TMEM132B: variants seen among roughly 807,000 people sequenced by gnomAD.
TMEM132B encodes the protein transmembrane protein 132B.
In TMEM132B, 18 loss-of-function variants were observed where a neutral mutation model predicts 90.8. The observed-to-expected ratio is 0.20, with a 90% CI of 0.14 to 0.29. TMEM132B has a LOEUF of 0.29. Among genes scored for constraint, TMEM132B ranks in the 10% least tolerant of loss-of-function variants. The pLI is 1.00. For synonymous variants in TMEM132B, 504 were observed against 523.3 expected, an observed-to-expected ratio of 0.96 and a Z score of 0.50; for missense variants, 1,096 against 1,326.8, an observed-to-expected ratio of 0.83 and a Z score of 2.70.
At chr12:125,510,292 C>G (rs1319321471) in intron 3 of TMEM132B, among the ~76,000 whole-genome samples, 1 of 152,080 alleles carries the variant, frequency 6.6e-6, no homozygotes, top group Non-Finnish European at 1.5e-5. Context: ...GTTTTCAGCT[C>G]TGAGAAAATG....
intron 2 of TMEM132B, among the ~76,000 whole-genome samples, chr12:125,384,897 C>A (rs1317683666): frequency 6.6e-6 from 1 of 152,216 alleles, no homozygotes; most frequent in Non-Finnish European, 1.5e-5. Context: ...GGTGATCCAC[C>A]TGCCTTGGCC....
rs1034520752 is a variant in TMEM132B at position 125,209,069 on chromosome 12, A to G, written c.67+22203A>G. Reference sequence around the variant, plus strand: ...ACAGGAGGCAGATTATGTTTGGGAAATCAGAAGGGAGCTCCCGCATGGAGG... The same window carrying G: ...ACAGGAGGCAGATTATGTTTGGGAAGTCAGAAGGGAGCTCCCGCATGGAGG... On this transcript the variant is annotated intron_variant, in intron 1 of 8. Coordinates refer to ENST00000682704, the MANE Select transcript of TMEM132B (RefSeq NM_001366854.1). This position sits in a 1 kb window ranked among gnomAD's most constrained non-coding sequence, Gnocchi z 4.4. 2.0e-5 allele frequency among the ~76,000 whole-genome samples: 3 copies of G among 152,168 alleles called. No homozygotes were observed. In the South Asian group the frequency reaches 6.2e-4, roughly 31 times the overall value.
intron 1 of TMEM132B, among the ~76,000 whole-genome samples, chr12:125,219,397 G>T (rs1170628612): frequency 6.6e-6 from 1 of 152,184 alleles, no homozygotes; most frequent in African/African-American, 2.4e-5. Flanking sequence ...TCAGAAGGTT[G>T]CTTAACGATG....
intron 2 of TMEM132B, among the ~76,000 whole-genome samples, chr12:125,366,406 G>A (rs1159323948): frequency 6.6e-6 from 1 of 152,100 alleles, no homozygotes; most frequent in African/African-American, 2.4e-5. Context: ...CTCTTTCTCA[G>A]CATCCTCACC....
intron 2 of TMEM132B, among the ~76,000 whole-genome samples, chr12:125,391,690 A>G (rs1292227527): frequency 1.3e-5 from 2 of 152,316 alleles, no homozygotes; most frequent in Admixed American, 6.5e-5. Flanking sequence ...GAACCCCACA[A>G]GTATATCTCC....
chr12:125,256,572 A>G (rs1199296930), intron 1 of TMEM132B, among the ~76,000 whole-genome samples: 1 of 152,246 alleles, frequency 6.6e-6, no homozygotes, highest in East Asian at 1.9e-4. Flanking sequence ...AGAGATGAAT[A>G]GACGTGACCT....
intron 3 of TMEM132B, among the ~76,000 whole-genome samples, chr12:125,502,856 G>A (rs890375402): frequency 1.3e-5 from 2 of 152,214 alleles, no homozygotes; most frequent in Non-Finnish European, 2.9e-5. Flanking sequence ...GTATAAGTTT[G>A]TGAAACTCTG....
At chr12:125,381,514 G>C (rs1484669640) in intron 2 of TMEM132B, among the ~76,000 whole-genome samples, 3 of 152,216 alleles carry the variant, frequency 2.0e-5, no homozygotes, top group Non-Finnish European at 4.4e-5. Flanking sequence ...ATTGGTTGAA[G>C]GTTGATCTGG....
chr12:125,570,083 C>T (rs1299772334), intron 4 of TMEM132B, among the ~76,000 whole-genome samples: 4 of 152,034 alleles, frequency 2.6e-5, no homozygotes, highest in South Asian at 2.1e-4. Flanking sequence ...TACCTGCATT[C>T]GGCTACGTTT....
At chr12:125,519,122 G>A (rs1234996287) in intron 3 of TMEM132B, among the ~76,000 whole-genome samples, 3 of 152,210 alleles carry the variant, frequency 2.0e-5, no homozygotes, top group Non-Finnish European at 1.5e-5. Flanking sequence ...ACTGTGGCAT[G>A]CCCGTGCCTG....
At chr12:125,399,477 G>GTGTA (rs1879252681) in intron 2 of TMEM132B, among the ~76,000 whole-genome samples, 1 of 47,898 alleles carries the variant, frequency 2.1e-5, no homozygotes, top group African/African-American at 7.9e-5. Flanking sequence ...GTGTGTGTGT[G>GTGTA]TGTGTATGTG....
intron 4 of TMEM132B, among the ~76,000 whole-genome samples, chr12:125,566,557 G>T (rs940275649): frequency 1.3e-5 from 2 of 152,172 alleles, no homozygotes; most frequent in Non-Finnish European, 2.9e-5. Context: ...GGGGTTGAGA[G>T]TTCCCTGTGG....
intron 1 of TMEM132B, among the ~76,000 whole-genome samples, chr12:125,191,054 G>A (rs12815578): frequency 0.05 from 2,429 of 48,572 alleles, 302 homozygotes; most frequent in East Asian, 0.11. Context: ...GGTGGTGGTG[G>A]TGGGGAAGGG....
At position 125,390,852 on chromosome 12, in the gene TMEM132B, A is replaced by C. The variant is rs561885350; in HGVS notation, c.960-24679A>C. On this transcript the variant is annotated intron_variant, in intron 2 of 8. Coordinates refer to ENST00000682704, the MANE Select transcript of TMEM132B (RefSeq NM_001366854.1). The stretch of plus-strand genomic sequence containing the variant: ...ACCACCTGAGTCAGAGCCATCCAGC[A>C]AAAATGCTCTTGAATTCTTGAAACT... Among the ~76,000 whole-genome samples, 10 of 152,346 alleles carry C rather than the reference A, an allele frequency of 6.6e-5. No individual in the cohort carries two copies. In the East Asian group the frequency reaches 1.9e-3, roughly 29 times the overall value.
At chr12:125,322,711 A>G (rs1380171478) in intron 1 of TMEM132B, among the ~76,000 whole-genome samples, 1 of 152,218 alleles carries the variant, frequency 6.6e-6, no homozygotes, top group Non-Finnish European at 1.5e-5. Context: ...TAATACATTC[A>G]TATGGTTCAA....
intron 4 of TMEM132B, among the ~76,000 whole-genome samples, chr12:125,556,944 C>T (rs1884404532): frequency 6.6e-6 from 1 of 151,972 alleles, no homozygotes; most frequent in East Asian, 1.9e-4. Flanking sequence ...TTAGTAGAGA[C>T]AGAGTTTCAC....
In TMEM132B at chr12:125,455,034, C is replaced by T. The variant is rs551997331; in HGVS notation, c.1106+39357C>T. On this transcript the variant is annotated intron_variant, in intron 3 of 8. Transcript: ENST00000682704. The stretch of plus-strand genomic sequence containing the variant: ...GCTCTATGTCTTAAAAGAAGAAATA[C>T]GCAGTTTGAGTTTACTAGAGTGCAA... 4.5e-4 allele frequency among the ~76,000 whole-genome samples: 68 copies of T among 152,276 alleles called. 1 individual carries two copies. The highest frequency in any genetic ancestry group is 1.5e-3 in the African/African-American group (63 of 41,562).
At chr12:125,647,522 C>T (rs138935789) in intron 6 of TMEM132B, among the ~76,000 whole-genome samples, 14 of 152,256 alleles carry the variant, frequency 9.2e-5, no homozygotes, top group African/African-American at 3.4e-4. Context: ...CCACGGAGGC[C>T]AGAAGGATTT....
In TMEM132B at chr12:125,481,673, C is replaced by T. The variant is rs1181587576; in HGVS notation, c.1107-37766C>T. On this transcript the variant is annotated intron_variant, in intron 3 of 8. Transcript: ENST00000682704. Reference sequence around the variant, plus strand: ...AATCAATATCGTGAAAATGGCCATACTGCCCAAGGTAATTTATAGATTCAG... The same window carrying T: ...AATCAATATCGTGAAAATGGCCATATTGCCCAAGGTAATTTATAGATTCAG... 2.0e-5 allele frequency among the ~76,000 whole-genome samples: 3 copies of T among 152,294 alleles called. No individual in the cohort carries two copies. The South Asian group carries it at 6.2e-4, about 32-fold the overall frequency.
Sources: gnomAD v4.1 joint callset for allele counts (sites outside exome capture counted in the v4.1 genomes callset) on GRCh38, gnomAD v4.1.1 for gene constraint, Gnocchi (gnomAD v3.1) non-coding constraint, MANE v1.5 for transcripts, NCBI Gene and HGNC (gene_info 2026-07-23, HGNC 2026-07-21) for gene names.